NUMA1: variants seen among roughly 807,000 people sequenced by gnomAD.
NUMA1 encodes the protein nuclear mitotic apparatus protein 1.
In NUMA1, 62 loss-of-function variants were observed where a neutral mutation model predicts 237.1. That is an observed-to-expected ratio of 0.26 (90% confidence interval 0.21 to 0.32). NUMA1 has a LOEUF of 0.32. Among genes scored for constraint, NUMA1 ranks in the 10% least tolerant of loss-of-function variants. NUMA1 has a pLI of 1.00. For synonymous variants in NUMA1, 1,028 were observed against 1,066.1 expected (o/e 0.96, Z 0.70); for missense variants, 2,533 against 2,666.5 (o/e 0.95, Z 1.10).
intron 2 of NUMA1, among the ~76,000 whole-genome samples, chr11:72,060,090 GCTGTTTTTTTAACAATTTCCCATCAAAA>G (rs1942861232): frequency 1.3e-5 from 2 of 152,110 alleles, no homozygotes; most frequent in South Asian, 4.1e-4. Flanking sequence ...AGACATCAAA[GCTGTTTTTTTAACAATTTCCCATCAAAA>G]CTAGGCCTCT....
rs755524273 is a variant in NUMA1 at position 72,023,159 on chromosome 11, A to G, written c.209-12T>C. The G allele has an allele frequency of 6.3e-7, 1 of 1,594,816 alleles. No individual in the cohort carries two copies. The highest frequency in any genetic ancestry group is 8.6e-7 in the Non-Finnish European group (1 of 1,163,104). On this transcript the variant is annotated splice_polypyrimidine_tract_variant and intron_variant, in intron 5 of 26. Coordinates refer to ENST00000393695, the MANE Select transcript of NUMA1 (RefSeq NM_006185.4). Reference sequence around the variant, plus strand: ...ATGTTTTCGATTTTCTGCAATGACAACAACGTAGAAAACAGGGTGAACTTC... The same window carrying G: ...ATGTTTTCGATTTTCTGCAATGACAGCAACGTAGAAAACAGGGTGAACTTC...
At chr11:72,050,567 C>T (rs558663987) in intron 2 of NUMA1, 53 of 152,286 alleles carry the variant, frequency 3.5e-4, no homozygotes, top group African/African-American at 9.6e-4. Context: ...GGCTGTGTCT[C>T]ACATCTCAAT....
In NUMA1 at chr11:72,015,384, G is replaced by A; in HGVS notation, c.2119C>T (p.Leu707Phe). ...KDQLQEQLQA[L>F]KESLKVTKGS... ...TTGGTGACCTTCAAGGACTCTTTGAGGGCCTGGAGCTGCTCCTGGAGCTGG... is the reference window on the plus strand; with the variant it reads ...TTGGTGACCTTCAAGGACTCTTTGAAGGCCTGGAGCTGCTCCTGGAGCTGG... The change falls in exon 15 of 27, where the codon CTC becomes TTC. Residue 707 changes from leucine (L) to phenylalanine (F), a missense_variant. Physicochemically the swap from Leu to Phe is conservative, Grantham distance 22. Around this residue, in one of 3 missense-constraint regions of NUMA1, gnomAD observed 1,414 missense variants for 1,508.1 expected, o/e 0.94. Coordinates refer to ENST00000393695, the MANE Select transcript of NUMA1 (RefSeq NM_006185.4). The surrounding 1 kb of genome is among the most constrained non-coding windows in gnomAD (Gnocchi z 4.0). The A allele has an allele frequency of 6.2e-7, 1 of 1,612,312 alleles. No homozygotes were observed. The highest frequency in any genetic ancestry group is 1.1e-5 in the South Asian group (1 of 91,088).
chr11:72,007,258 C>G lies in NUMA1; in HGVS notation c.5394G>C (p.Leu1798=), dbSNP rs912953719. Residue 1798 remains leucine, a synonymous_variant, in exon 21 of 27, where the codon CTG becomes CTC. Transcript: ENST00000393695. ...SSLDSLGDVF[L]DSGRKTRSAR... ...CGGAGCGGGTCTTACGACCCGAGTC[C>G]AGGAAGACGTCTCCCAGGGAGTCCA... 1.2e-6 allele frequency: 2 copies of G among 1,612,414 alleles called. No individual in the cohort carries two copies.
At chr11:72,053,949 G>C (rs192493771) in intron 2 of NUMA1, among the ~76,000 whole-genome samples, 1 of 152,046 alleles carries the variant, frequency 6.6e-6, no homozygotes, top group Non-Finnish European at 1.5e-5. Flanking sequence ...TAAACTATAC[G>C]AAGGACGTGT....
intron 1 of NUMA1, among the ~76,000 whole-genome samples, chr11:72,074,116 C>T (rs1206144755): frequency 2.0e-5 from 3 of 151,908 alleles, no homozygotes; most frequent in Non-Finnish European, 4.4e-5. Context: ...ATCGCTTGAA[C>T]CCAGGAGGCA....
At chr11:72,080,296 G>A (rs1944052307) in intron 1 of NUMA1, 162 bp downstream of exon 1, 1 of 44,156 alleles carries the variant, frequency 2.3e-5, no homozygotes, top group South Asian at 8.0e-4. Flanking sequence ...CTCCCTCTCA[G>A]GCGCCTCTCC....
chr11:72,004,857 T>C, intron 23 of NUMA1, 41 bp from the exon 24 acceptor site: 1 of 1,516,492 alleles, frequency 6.6e-7, no homozygotes, highest in Non-Finnish European at 8.8e-7. Context: ...CATAGCTGTA[T>C]GGAGATGGAG....
Position 72,015,964 on chromosome 11 carries a change from G to GCC in NUMA1, c.1538_1539insGG (p.Ile514AlafsTer12). ...CCAGTTCTTGATCCTGTTGCTGGATGGTGGCATTGAGTGTGGTGAGCTCAG... is the reference window on the plus strand; with the variant it reads ...CCAGTTCTTGATCCTGTTGCTGGATGCCGTGGCATTGAGTGTGGTGAGCTCAG... On this transcript the variant is annotated frameshift_variant, in exon 15 of 27. Coordinates refer to ENST00000393695, the MANE Select transcript of NUMA1 (RefSeq NM_006185.4). LOFTEE classifies it high-confidence loss of function. The surrounding 1 kb of genome is among the most constrained non-coding windows in gnomAD (Gnocchi z 4.0). 6.2e-7 allele frequency: 1 copy of GCC among 1,614,100 alleles called. No individual in the cohort carries two copies. The highest frequency in any genetic ancestry group is 8.5e-7 in the Non-Finnish European group (1 of 1,180,018).
At chr11:72,023,358 T>C in intron 5 of NUMA1, among the ~76,000 whole-genome samples, 1 of 152,110 alleles carries the variant, frequency 6.6e-6, no homozygotes, top group East Asian at 1.9e-4. Flanking sequence ...ACAGGGATAA[T>C]GGAAGAAGAA....
chr11:72,047,195 T>G (rs1472743042), intron 2 of NUMA1, among the ~76,000 whole-genome samples: 4 of 151,642 alleles, frequency 2.6e-5, no homozygotes, highest in Non-Finnish European at 4.4e-5. Flanking sequence ...TGGAGCTGGG[T>G]GTGGTGGCTC....
At chr11:72,045,129 C>G (rs1052817457) in intron 2 of NUMA1, among the ~76,000 whole-genome samples, 12 of 152,072 alleles carry the variant, frequency 7.9e-5, no homozygotes, top group African/African-American at 2.9e-4. Flanking sequence ...CTGTGATCCC[C>G]CATAACACCT....
Position 72,009,167 on chromosome 11 carries a change from G to A in NUMA1, c.4858C>T (p.His1620Tyr), listed in dbSNP as rs1232398001. The change falls in exon 19 of 27, where the codon CAT (histidine) becomes TAT (tyrosine). Residue 1620 changes from histidine to tyrosine, a missense_variant. Coordinates refer to ENST00000393695, the MANE Select transcript of NUMA1 (RefSeq NM_006185.4). ...YKLQMEKAKT[H>Y]YDAKKQQNQE... is the part of the protein sequence containing the mutation. ...TTCTGCTGCTTCTTGGCATCATAAT[G>A]TGTTTTGGCTTTCTCCATCTGTGGG... 1 of 1,503,384 alleles carries A rather than the reference G, an allele frequency of 6.7e-7. No individual in the cohort carries two copies. The highest frequency in any genetic ancestry group is 8.9e-7 in the Non-Finnish European group (1 of 1,120,488). The allele number at this position is 1,503,384 out of a possible 1,614,324, so 93.1% of individuals were successfully genotyped here. A position where few individuals can be genotyped will look rare whatever the true frequency, so the allele number is the denominator to read the frequency against.
At chr11:72,039,043 C>T (rs1410376423) in intron 2 of NUMA1, among the ~76,000 whole-genome samples, 1 of 152,178 alleles carries the variant, frequency 6.6e-6, no homozygotes, top group East Asian at 1.9e-4. Context: ...TGCAGCTCCC[C>T]CACATCAGGA....
chr11:72,004,306 C>T lies in NUMA1; in HGVS notation c.6042G>A (p.Met2014Ile). ...GCCCTTCATGTCGGTCTCGGGGAGTCATGGGGCGTGGGAAACAGCTGGTGG... is the reference window on the plus strand; with the variant it reads ...GCCCTTCATGTCGGTCTCGGGGAGTTATGGGGCGTGGGAAACAGCTGGTGG... The part of the protein sequence containing the change: ...KKATSCFPRP[M>I]TPRDRHEGRK... The change falls in exon 25 of 27, where the codon ATG becomes ATA. Residue 2014 changes from methionine to isoleucine, a missense_variant. Physicochemically the swap from Met to Ile is conservative, Grantham distance 10. Coordinates refer to ENST00000393695, the MANE Select transcript of NUMA1 (RefSeq NM_006185.4). 1.2e-6 allele frequency: 2 copies of T among 1,613,208 alleles called. No individual in the cohort carries two copies. The highest frequency in any genetic ancestry group is 1.3e-5 in the African/African-American group (1 of 74,922).
intron 1 of NUMA1, among the ~76,000 whole-genome samples, chr11:72,075,819 C>T (rs1943678458): frequency 6.6e-6 from 1 of 152,046 alleles, no homozygotes; most frequent in African/African-American, 2.4e-5. Context: ...AGAAAAATCC[C>T]CAGGAACCAG....
At chr11:72,071,062 C>G (rs987503845) in intron 1 of NUMA1, among the ~76,000 whole-genome samples, 3 of 152,162 alleles carry the variant, frequency 2.0e-5, no homozygotes, top group Admixed American at 2.0e-4. Flanking sequence ...GATACAGAAC[C>G]CTCAAAGTCA....
At chr11:72,046,019 T>C (rs1941974545) in intron 2 of NUMA1, among the ~76,000 whole-genome samples, 1 of 152,186 alleles carries the variant, frequency 6.6e-6, no homozygotes, top group Non-Finnish European at 1.5e-5. Context: ...AGGCTGAACC[T>C]TCCCCTAGAA....
At chr11:72,077,677 G>A (rs963190540) in intron 1 of NUMA1, among the ~76,000 whole-genome samples, 1 of 151,970 alleles carries the variant, frequency 6.6e-6, no homozygotes, top group African/African-American at 2.4e-5. Flanking sequence ...AGCCAGGCGT[G>A]GTTGCGGGCG....
Sources: gnomAD v4.1 joint callset for allele counts (sites outside exome capture counted in the v4.1 genomes callset) on GRCh38, gnomAD v4.1.1 for gene constraint, gnomAD v4.1.1 regional missense constraint, Gnocchi (gnomAD v3.1) non-coding constraint, MANE v1.5 for transcripts, NCBI Gene and HGNC (gene_info 2026-07-23, HGNC 2026-07-21) for gene names.